The following EFHD1 variants were observed in gnomAD, a reference collection of about 807,000 sequenced individuals.
The protein encoded by EFHD1 is EF-hand domain-containing protein D1.
In EFHD1, 10 loss-of-function variants were observed where a neutral mutation model predicts 17.2. The observed-to-expected ratio is 0.58, with a 90% CI of 0.36 to 0.99. EFHD1 has a LOEUF of 0.99. EFHD1 is among the 50% of genes least tolerant of loss of function. EFHD1 has a pLI of 0.01. For missense variants in EFHD1, 310 were observed against 327.5 expected (o/e 0.95, Z 0.41); for synonymous variants, 153 against 142.0 (o/e 1.08, Z -0.55).
chr2:232,606,301 C>G (rs2106269261), intron 1 of EFHD1: 1 of 1,137,178 alleles, frequency 8.8e-7, no homozygotes, highest in Non-Finnish European at 1.3e-6. Flanking sequence ...AGGGCACTCC[C>G]GGCCCTCGCT....
chr2:232,675,444 G>A (rs997110937), intron 3 of EFHD1, among the ~76,000 whole-genome samples: 15 of 152,064 alleles, frequency 9.9e-5, no homozygotes, highest in African/African-American at 3.6e-4. Flanking sequence ...TGGGCACCTG[G>A]TTGGGAAGGT....
chr2:232,629,637 G>A (rs7565261), upstream of EFHD1, among the ~76,000 whole-genome samples: 29,327 of 151,594 alleles, frequency 0.19, 3,621 homozygotes, highest in East Asian at 0.58. Flanking sequence ...CCCGGCTAAC[G>A]GTTGTATTTT....
intron 1 of EFHD1, among the ~76,000 whole-genome samples, chr2:232,620,866 TAGAA>T (rs1390599408): frequency 6.6e-6 from 1 of 152,126 alleles, no homozygotes; most frequent in East Asian, 1.9e-4. Flanking sequence ...GCCACATTCT[TAGAA>T]AGGCTGAGGA....
chr2:232,667,857 G>C (rs10206127), intron 2 of EFHD1, among the ~76,000 whole-genome samples: 112,038 of 152,120 alleles, frequency 0.74, 41,566 homozygotes, highest in East Asian at 0.94. Context: ...TGTGTCTGGC[G>C]GAGACATCTA....
chr2:232,632,881 C>T (rs746655297), upstream of EFHD1, among the ~76,000 whole-genome samples: 3 of 152,212 alleles, frequency 2.0e-5, no homozygotes, highest in Non-Finnish European at 4.4e-5. Flanking sequence ...CCACCAACAC[C>T]TAAGTGTTGG....
At chr2:232,638,200 G>C (rs962199882) in intron 1 of EFHD1, 25 of 373,312 alleles carry the variant, frequency 6.7e-5, no homozygotes, top group African/African-American at 4.9e-4. Context: ...AGGTTAGACA[G>C]GAAATTTTAA....
At chr2:232,662,975 C>T in intron 2 of EFHD1, 26 bp downstream of exon 2, 1 of 1,541,620 alleles carries the variant, frequency 6.5e-7, no homozygotes, top group Non-Finnish European at 8.7e-7. Flanking sequence ...GGCCCTGAGC[C>T]CCTGTGGGGT....
intron 3 of EFHD1, among the ~76,000 whole-genome samples, chr2:232,674,054 G>A (rs772874721): frequency 6.6e-6 from 1 of 151,804 alleles, no homozygotes; most frequent in Non-Finnish European, 1.5e-5. Flanking sequence ...GCCTACAGGC[G>A]CCCACCACCA....
At chr2:232,613,115 C>T (rs1333443299) in intron 1 of EFHD1, among the ~76,000 whole-genome samples, 5 of 150,112 alleles carry the variant, frequency 3.3e-5, no homozygotes, top group Admixed American at 3.3e-4. Flanking sequence ...TGCCCCCCAC[C>T]AAAAAATATA....
In EFHD1 at chr2:232,633,693, C is replaced by T. The variant is rs1281391318; in HGVS notation, c.-12C>T. 2 of 1,423,724 alleles carry T rather than the reference C, an allele frequency of 1.4e-6. No individual in the cohort carries two copies. Among genetic ancestry groups the T allele is most frequent in the Non-Finnish European group, 1.8e-6 (2 of 1,099,596 alleles). 88.2% of individuals were successfully genotyped at this position (1,423,724 alleles called of 1,614,324 possible). On this transcript the variant is annotated 5_prime_UTR_variant, in exon 1 of 4. Coordinates refer to ENST00000264059, the MANE Select transcript of EFHD1 (RefSeq NM_025202.4). ...CGCGTCCCCGCGTTCCCGCGTCCTG[C>T]GATCCGCCGCCATGGCCAGTGAGGA...
At chr2:232,614,479 C>T (rs1050678501) in intron 1 of EFHD1, among the ~76,000 whole-genome samples, 3 of 152,170 alleles carry the variant, frequency 2.0e-5, no homozygotes, top group Non-Finnish European at 4.4e-5. Context: ...AGCTTCTCTT[C>T]CTTACAATTT....
Position 232,682,582 on chromosome 2 carries a change from A to G in EFHD1, c.*863A>G, listed in dbSNP as rs1423070779. Reference sequence around the variant, plus strand: ...CATCCCCAAAGTCATGGCCATACTCACCATTAGCCAGTTTCTAACATCTGT... The same window carrying G: ...CATCCCCAAAGTCATGGCCATACTCGCCATTAGCCAGTTTCTAACATCTGT... On this transcript the variant is annotated 3_prime_UTR_variant, in exon 4 of 4. Transcript: ENST00000264059. The G allele has an allele frequency of 1.3e-5, 2 of 152,116 alleles. No individual in the cohort carries two copies. Among genetic ancestry groups the G allele is most frequent in the Admixed American group, 1.3e-4 (2 of 15,260 alleles). 9.4% of individuals were successfully genotyped at this position (152,116 alleles called of 1,614,324 possible).
intron 1 of EFHD1, among the ~76,000 whole-genome samples, chr2:232,612,934 T>C (rs1316464324): frequency 2.6e-5 from 4 of 151,918 alleles, no homozygotes; most frequent in Non-Finnish European, 5.9e-5. Flanking sequence ...GGTTTCGCCA[T>C]GTTAGCCAAG....
intron 3 of EFHD1, among the ~76,000 whole-genome samples, chr2:232,677,354 C>T (rs956987051): frequency 2.0e-5 from 3 of 151,842 alleles, no homozygotes; most frequent in South Asian, 2.1e-4. Flanking sequence ...ATCAGAGTTA[C>T]CTGTCTTCAG....
At chr2:232,623,306 A>G (rs1694050701) in intron 1 of EFHD1, among the ~76,000 whole-genome samples, 1 of 152,156 alleles carries the variant, frequency 6.6e-6, no homozygotes, top group Non-Finnish European at 1.5e-5. Flanking sequence ...TCAGTCTCCC[A>G]AAGTGCTGGG....
At chr2:232,677,243 T>TACACAC (rs569120803) in intron 3 of EFHD1, among the ~76,000 whole-genome samples, 14 of 99,392 alleles carry the variant, frequency 1.4e-4, no homozygotes, top group East Asian at 5.8e-4. Context: ...CACACACACG[T>TACACAC]ACACACACAC....
chr2:232,639,556 C>T (rs1195330882), intron 1 of EFHD1, among the ~76,000 whole-genome samples: 1 of 152,182 alleles, frequency 6.6e-6, no homozygotes, highest in African/African-American at 2.4e-5. Flanking sequence ...ACCCTCAGCC[C>T]TGTGGTACCC....
chr2:232,681,985 G>C lies in EFHD1; in HGVS notation c.*266G>C, dbSNP rs1695293566. On this transcript the variant is annotated 3_prime_UTR_variant, in exon 4 of 4. Transcript: ENST00000264059. Reference sequence around the variant, plus strand: ...TATAGCCAGAACTTGTATCTTCTCAGCAACCTTCACTTTGTCCTTGTCCCT... The same window carrying C: ...TATAGCCAGAACTTGTATCTTCTCACCAACCTTCACTTTGTCCTTGTCCCT... The C allele has an allele frequency of 2.4e-6, 1 of 417,658 alleles. No homozygotes were observed. Among genetic ancestry groups the C allele is most frequent in the Admixed American group, 4.2e-5 (1 of 23,668 alleles). The allele number at this position is 417,658 out of a possible 1,614,324, so 25.9% of individuals were successfully genotyped here. A position where few individuals can be genotyped will look rare whatever the true frequency, so the allele number is the denominator to read the frequency against.
rs113391241 is a variant in EFHD1 at position 232,618,722 on chromosome 2, CAAAAA to C, written c.14+12560_14+12564del. ...TGGGTGACAGAGCAAGACTCTGTCTCAAAAAAAAAAAAAAATTTTGAAAAAAGGGA... is the reference window on the plus strand; with the variant it reads ...TGGGTGACAGAGCAAGACTCTGTCTCAAAAAAAAAATTTTGAAAAAAGGGA... On this transcript the variant is annotated intron_variant, in intron 1 of 3. Coordinates refer to the EFHD1 transcript ENST00000409613. Among the ~76,000 whole-genome samples, 16 of 134,222 alleles carry C rather than the reference CAAAAA, an allele frequency of 1.2e-4. No homozygotes were observed. In the East Asian group the frequency reaches 2.3e-3, roughly 20 times the overall value. 88.1% of individuals were successfully genotyped at this position (134,222 alleles called of 152,430 possible). A position where few individuals can be genotyped will look rare whatever the true frequency, so the allele number is the denominator to read the frequency against.
Sources: gnomAD v4.1 joint callset for allele counts (sites outside exome capture counted in the v4.1 genomes callset) on GRCh38, gnomAD v4.1.1 for gene constraint, MANE v1.5 for transcripts, NCBI Gene and HGNC (gene_info 2026-07-23, HGNC 2026-07-21) for gene names.